Variants in GRIK2 observed in about 807,000 individuals in gnomAD.
GRIK2 encodes glutamate receptor ionotropic, kainate 2.
GRIK2 carries 32 observed loss-of-function variants against 100.3 expected under a neutral mutation model. The ratio of observed to expected loss-of-function variants is 0.32; its 90% CI spans 0.24 to 0.43. GRIK2 has a LOEUF of 0.43. Ranked by LOEUF, GRIK2 falls within the 20% of genes least tolerant of loss-of-function variation. GRIK2 has a pLI of 1.00. For missense variants in GRIK2, 843 were observed against 1,114.9 expected, an observed-to-expected ratio of 0.76 and a Z score of 3.47; for synonymous variants, 417 against 389.4, an observed-to-expected ratio of 1.07 and a Z score of -0.83.
intron 14 of GRIK2, among the ~76,000 whole-genome samples, chr6:102,007,638 G>T (rs1795309474): frequency 6.6e-6 from 1 of 152,172 alleles, no homozygotes; most frequent in Admixed American, 6.5e-5. Flanking sequence ...CAATGCAATT[G>T]TTGAAACAGA....
chr6:101,696,430 C>A (rs2128349728), intron 7 of GRIK2, among the ~76,000 whole-genome samples: 1 of 151,636 alleles, frequency 6.6e-6, no homozygotes, highest in African/African-American at 2.4e-5. Context: ...TTTCTCCTGC[C>A]TAATTGATCC....
chr6:101,997,292 A>G (rs1794701524), intron 14 of GRIK2, among the ~76,000 whole-genome samples: 1 of 152,032 alleles, frequency 6.6e-6, no homozygotes, highest in African/African-American at 2.4e-5. Flanking sequence ...TTACCTTCTC[A>G]GCCCCATTGA....
chr6:101,936,562 C>G (rs1790631076), intron 14 of GRIK2, among the ~76,000 whole-genome samples: 1 of 152,056 alleles, frequency 6.6e-6, no homozygotes, highest in South Asian at 2.1e-4. Flanking sequence ...GTCTCCCTCC[C>G]CCTTTCCTCA....
At chr6:101,797,760 T>C (rs1780401931) in intron 7 of GRIK2, among the ~76,000 whole-genome samples, 1 of 146,940 alleles carries the variant, frequency 6.8e-6, no homozygotes. Context: ...ATAATGGTTT[T>C]ATATATTATA....
At chr6:101,889,253 T>A (rs1258882682) in intron 11 of GRIK2, among the ~76,000 whole-genome samples, 3 of 152,060 alleles carry the variant, frequency 2.0e-5, no homozygotes, top group Non-Finnish European at 4.4e-5. Flanking sequence ...TTGACCAATG[T>A]ATTAAGAAAA....
At chr6:101,960,414 G>A (rs946023847) in intron 14 of GRIK2, among the ~76,000 whole-genome samples, 3 of 151,898 alleles carry the variant, frequency 2.0e-5, no homozygotes, top group African/African-American at 7.3e-5. Flanking sequence ...GTTTTTCCAT[G>A]GTGCCATAGT....
chr6:101,891,946 A>C (rs1787128304), intron 12 of GRIK2, among the ~76,000 whole-genome samples: 1 of 152,194 alleles, frequency 6.6e-6, no homozygotes, highest in African/African-American at 2.4e-5. Context: ...TAAGTGCAAG[A>C]GTTTCAGATT....
At chr6:101,591,213 C>A (rs191138251) in intron 2 of GRIK2, among the ~76,000 whole-genome samples, 1 of 151,156 alleles carries the variant, frequency 6.6e-6, no homozygotes, top group Non-Finnish European at 1.5e-5. Context: ...TTAATTTTTC[C>A]GCATAAGTCT....
chr6:102,032,841 A>AT (rs1770069393), intron 14 of GRIK2, among the ~76,000 whole-genome samples: 2 of 151,264 alleles, frequency 1.3e-5, no homozygotes, highest in South Asian at 4.1e-4. Context: ...TATTTAATAG[A>AT]TTTTAAAAGG....
At chr6:101,442,043 G>A (rs1282317066) in intron 2 of GRIK2, among the ~76,000 whole-genome samples, 1 of 152,000 alleles carries the variant, frequency 6.6e-6, no homozygotes, top group African/African-American at 2.4e-5. Flanking sequence ...AAGAGTGGGT[G>A]GAGGTAATTT....
intron 2 of GRIK2, among the ~76,000 whole-genome samples, chr6:101,485,636 A>G (rs1772780476): frequency 6.6e-6 from 1 of 152,186 alleles, no homozygotes; most frequent in Non-Finnish European, 1.5e-5. Flanking sequence ...ATATTAGTAG[A>G]GTTGATTACA....
intron 7 of GRIK2, among the ~76,000 whole-genome samples, chr6:101,776,443 A>T (rs936708036): frequency 1.3e-5 from 2 of 152,214 alleles, no homozygotes; most frequent in Admixed American, 1.3e-4. Flanking sequence ...TGGTTATATT[A>T]CAAAACCGGT....
chr6:101,609,193 TAGAAA>T (rs948465173), intron 2 of GRIK2, among the ~76,000 whole-genome samples: 12 of 152,004 alleles, frequency 7.9e-5, no homozygotes, highest in African/African-American at 2.4e-4. Context: ...GTTAGATGTT[TAGAAA>T]AGAAAAGTTA....
chr6:101,793,732 C>T (rs1780071041), intron 7 of GRIK2, among the ~76,000 whole-genome samples: 1 of 152,300 alleles, frequency 6.6e-6, no homozygotes, highest in African/African-American at 2.4e-5. Context: ...CCACTGCTCT[C>T]TTCAAAGCTG....
At chr6:101,827,740 C>A (rs970205452) in intron 10 of GRIK2, among the ~76,000 whole-genome samples, 1 of 152,070 alleles carries the variant, frequency 6.6e-6, no homozygotes, top group South Asian at 2.1e-4. Flanking sequence ...ATTTACTACT[C>A]TAAATGCATA....
intron 8 of GRIK2, among the ~76,000 whole-genome samples, chr6:101,802,006 C>A (rs1038789815): frequency 2.0e-5 from 3 of 151,658 alleles, no homozygotes; most frequent in Admixed American, 1.3e-4. Context: ...ATATCTCATA[C>A]ACCATAAAAA....
At chr6:102,060,889 G>A (rs1389948434) in intron 16 of GRIK2, among the ~76,000 whole-genome samples, 1 of 150,258 alleles carries the variant, frequency 6.7e-6, no homozygotes, top group Non-Finnish European at 1.5e-5. Flanking sequence ...GTTGATTCTT[G>A]TCAGACCTTA....
At chr6:101,403,935 C>T (rs1360655388) in intron 2 of GRIK2, among the ~76,000 whole-genome samples, 3 of 152,206 alleles carry the variant, frequency 2.0e-5, no homozygotes, top group Non-Finnish European at 4.4e-5. Flanking sequence ...CATAAGTTCT[C>T]ACTTACTCTT....
intron 14 of GRIK2, among the ~76,000 whole-genome samples, chr6:102,020,608 A>G (rs1408062679): frequency 6.6e-6 from 1 of 151,810 alleles, no homozygotes; most frequent in Non-Finnish European, 1.5e-5. Flanking sequence ...TGCTAAACTG[A>G]CTTAACAGGG....
Sources: gnomAD v4.1 joint callset for allele counts (sites outside exome capture counted in the v4.1 genomes callset) on GRCh38, gnomAD v4.1.1 for gene constraint, MANE v1.5 for transcripts, NCBI Gene and HGNC (gene_info 2026-07-23, HGNC 2026-07-21) for gene names.